ADGRL3: variants seen among roughly 807,000 people sequenced by gnomAD.
ADGRL3 encodes the protein calcium-independent alpha-latrotoxin receptor 3.
A neutral mutation model predicts 153.5 loss-of-function variants in ADGRL3; 62 were observed. The ratio of observed to expected loss-of-function variants is 0.40; its 90% CI spans 0.33 to 0.50. The LOEUF (loss-of-function observed/expected upper bound fraction) is 0.50, where lower values mean the gene tolerates loss of function less well. Ranked by LOEUF, ADGRL3 falls within the 20% of genes least tolerant of loss-of-function variation. The pLI is 0.47. For missense variants in ADGRL3, 1,641 were observed against 1,859.4 expected (o/e 0.88, Z 2.16); for synonymous variants, 710 against 672.5 (o/e 1.06, Z -0.86).
chr4:61,413,274 T>TA (rs2152280319), intron 2 of ADGRL3, among the ~76,000 whole-genome samples: 1 of 152,280 alleles, frequency 6.6e-6, no homozygotes, highest in African/African-American at 2.4e-5. Context: ...CCTCCACTGA[T>TA]ACCCGGGGTC....
intron 3 of ADGRL3, among the ~76,000 whole-genome samples, chr4:61,503,733 T>C (rs1162034714): frequency 6.6e-6 from 1 of 152,144 alleles, no homozygotes; most frequent in Admixed American, 6.5e-5. Context: ...ATATTGTTAT[T>C]AGTAAAATAT....
intron 5 of ADGRL3, among the ~76,000 whole-genome samples, chr4:61,648,524 G>T (rs1468307767): frequency 1.4e-5 from 2 of 147,674 alleles, no homozygotes; most frequent in Non-Finnish European, 3.0e-5. Flanking sequence ...GAATTTTTTT[G>T]TTTTTTTTTC....
At chr4:61,543,587 A>C (rs555869721) in intron 4 of ADGRL3, among the ~76,000 whole-genome samples, 1 of 152,328 alleles carries the variant, frequency 6.6e-6, no homozygotes, top group South Asian at 2.1e-4. Flanking sequence ...ACTGCGCAAT[A>C]GAAAACTTAA....
chr4:61,374,812 C>A (rs2096584605), intron 1 of ADGRL3, among the ~76,000 whole-genome samples: 2 of 151,920 alleles, frequency 1.3e-5, no homozygotes, highest in Admixed American at 1.3e-4. Context: ...GTTCCCAAAA[C>A]ACTTTGGCAG....
intron 2 of ADGRL3, among the ~76,000 whole-genome samples, chr4:61,496,426 G>A (rs1223291861): frequency 2.6e-5 from 4 of 152,118 alleles, no homozygotes; most frequent in Non-Finnish European, 5.9e-5. Flanking sequence ...CACTTTGGGA[G>A]GCCGAGGCGG....
At chr4:61,507,891 T>C (rs765459446) in intron 3 of ADGRL3, among the ~76,000 whole-genome samples, 212 of 152,286 alleles carry the variant, frequency 1.4e-3, no homozygotes, top group Non-Finnish European at 2.2e-3. Context: ...GTAGAGTGCC[T>C]CATTACTATA....
chr4:61,237,116 T>C (rs1753146998), intron 1 of ADGRL3, among the ~76,000 whole-genome samples: 3 of 152,174 alleles, frequency 2.0e-5, no homozygotes. Flanking sequence ...TAAGTTTATT[T>C]TCCCTATAGT....
chr4:61,543,534 A>C (rs2098700454), intron 4 of ADGRL3, among the ~76,000 whole-genome samples: 1 of 152,262 alleles, frequency 6.6e-6, no homozygotes, highest in East Asian at 1.9e-4. Context: ...GAAGATAATA[A>C]AATTTGTGTT....
At chr4:61,908,050 T>A (rs544413805) in intron 11 of ADGRL3, among the ~76,000 whole-genome samples, 6 of 152,168 alleles carry the variant, frequency 3.9e-5, no homozygotes, top group African/African-American at 1.4e-4. Context: ...ACAACTATAC[T>A]CTCAGTGTTT....
At chr4:61,474,154 G>T (rs769778715) in intron 2 of ADGRL3, among the ~76,000 whole-genome samples, 4 of 152,102 alleles carry the variant, frequency 2.6e-5, no homozygotes, top group African/African-American at 4.8e-5. Flanking sequence ...ATTTTAGAAG[G>T]TTATGTTTTG....
At chr4:62,004,260 T>G (rs568629717) in intron 21 of ADGRL3, among the ~76,000 whole-genome samples, 1 of 152,100 alleles carries the variant, frequency 6.6e-6, no homozygotes, top group East Asian at 1.9e-4. Flanking sequence ...TTAATGTTAA[T>G]AATAAATATA....
At chr4:61,236,027 T>TTTA (rs1752701035) in intron 1 of ADGRL3, among the ~76,000 whole-genome samples, 1 of 147,264 alleles carries the variant, frequency 6.8e-6, no homozygotes, top group Non-Finnish European at 1.5e-5. Flanking sequence ...TTTTTTTTTT[T>TTTA]GAGATTGAGT....
At chr4:61,989,312 A>C (rs2099096084) in intron 19 of ADGRL3, among the ~76,000 whole-genome samples, 1 of 152,106 alleles carries the variant, frequency 6.6e-6, no homozygotes, top group African/African-American at 2.4e-5. Flanking sequence ...AGCAATTATT[A>C]TATGATGTTA....
At chr4:61,257,405 T>C (rs1020038052) in intron 1 of ADGRL3, among the ~76,000 whole-genome samples, 1 of 152,224 alleles carries the variant, frequency 6.6e-6, no homozygotes, top group Non-Finnish European at 1.5e-5. Context: ...TATTTATTTA[T>C]GGTTTCTAAT....
intron 5 of ADGRL3, 26 bp from the exon 6 acceptor site, chr4:61,676,800 C>A: frequency 6.8e-7 from 1 of 1,480,094 alleles, no homozygotes; most frequent in Non-Finnish European, 9.4e-7. Flanking sequence ...AAGCTTACTA[C>A]TTCTTTTCCT....
intron 1 of ADGRL3, among the ~76,000 whole-genome samples, chr4:61,261,530 C>A (rs1214439272): frequency 1.3e-5 from 2 of 152,044 alleles, no homozygotes; most frequent in Non-Finnish European, 2.9e-5. Flanking sequence ...CCCACGGATA[C>A]AGAGAGCAAT....
At chr4:61,961,599 C>A (rs968144565) in intron 17 of ADGRL3, among the ~76,000 whole-genome samples, 1 of 151,930 alleles carries the variant, frequency 6.6e-6, no homozygotes, top group Non-Finnish European at 1.5e-5. Context: ...AAAAAATCAT[C>A]GGAGGAAGAA....
At chr4:61,626,269 C>T (rs1187555730) in intron 5 of ADGRL3, among the ~76,000 whole-genome samples, 3 of 151,828 alleles carry the variant, frequency 2.0e-5, no homozygotes, top group African/African-American at 7.3e-5. Flanking sequence ...CTCTAAATAT[C>T]CATTTATTTG....
intron 8 of ADGRL3, among the ~76,000 whole-genome samples, chr4:61,785,435 A>G (rs1000868888): frequency 4.6e-5 from 7 of 152,284 alleles, no homozygotes; most frequent in Admixed American, 2.6e-4. Context: ...CACTGCTTTT[A>G]AGGTCTAAAA....
Sources: allele counts gnomAD v4.1 joint callset (sites outside exome capture counted in the v4.1 genomes callset), GRCh38; gene constraint gnomAD v4.1.1; transcripts MANE v1.5; gene names NCBI Gene and HGNC (gene_info 2026-07-23, HGNC 2026-07-21).